Variants in TXNDC12 observed in about 807,000 individuals in gnomAD.
TXNDC12 encodes the protein thioredoxin domain containing 12.
In TXNDC12, 22 loss-of-function variants were observed where a neutral mutation model predicts 24.2. That is an observed-to-expected ratio of 0.91 (90% CI 0.65 to 1.30). The LOEUF (loss-of-function observed/expected upper bound fraction) is 1.30, where lower values mean the gene tolerates loss of function less well. Ranked by LOEUF, TXNDC12 falls within the 50% of genes most tolerant of loss-of-function variation. The pLI is 0.00. For synonymous variants in TXNDC12, 58 were observed against 73.4 expected, an observed-to-expected ratio of 0.79 and a Z score of 1.07; for missense variants, 184 against 205.8, an observed-to-expected ratio of 0.89 and a Z score of 0.65.
chr1:52,022,669 C>G (rs2252961), intron 6 of TXNDC12, among the ~76,000 whole-genome samples: 1 of 132,212 alleles, frequency 7.6e-6, no homozygotes, highest in Non-Finnish European at 1.6e-5. Flanking sequence ...GACAGAGTCT[C>G]GCTCTGTCAC....
At chr1:52,027,143 G>C in intron 4 of TXNDC12, 132 bp downstream of exon 4, 1 of 600,572 alleles carries the variant, frequency 1.7e-6, no homozygotes, top group Non-Finnish European at 3.0e-6. Context: ...CTTAGTATTA[G>C]CGGTCAAGAG....
chr1:52,036,998 G>T (rs1685894125), intron 2 of TXNDC12, among the ~76,000 whole-genome samples: 1 of 152,114 alleles, frequency 6.6e-6, no homozygotes, highest in African/African-American at 2.4e-5. Flanking sequence ...AGGCTTGATG[G>T]TCTTCACAGC....
At chr1:52,053,173 G>T (rs1324781165) in intron 1 of TXNDC12, among the ~76,000 whole-genome samples, 5 of 151,538 alleles carry the variant, frequency 3.3e-5, no homozygotes, top group Non-Finnish European at 7.4e-5. Flanking sequence ...TGAGGCAGGA[G>T]AATCATTTGA....
intron 5 of TXNDC12, among the ~76,000 whole-genome samples, chr1:52,023,990 CTT>C (rs397830118): frequency 1.4e-4 from 20 of 142,624 alleles, no homozygotes; most frequent in East Asian, 2.0e-4. Context: ...TGATCAAACT[CTT>C]TTTTTTTTTT....
intron 1 of TXNDC12, among the ~76,000 whole-genome samples, chr1:52,052,028 C>T (rs754984264): frequency 1.3e-5 from 2 of 151,980 alleles, no homozygotes; most frequent in African/African-American, 4.8e-5. Flanking sequence ...TCTAAGTGTC[C>T]GACACAATAT....
intron 2 of TXNDC12, chr1:52,032,896 T>G: frequency 6.2e-7 from 1 of 1,613,024 alleles, no homozygotes; most frequent in Non-Finnish European, 8.5e-7. Context: ...AGCGCTCTTC[T>G]GCGCTTCCAT....
At chr1:52,036,019 A>G (rs1252780216) in intron 2 of TXNDC12, among the ~76,000 whole-genome samples, 1 of 152,166 alleles carries the variant, frequency 6.6e-6, no homozygotes, top group Non-Finnish European at 1.5e-5. Flanking sequence ...ACCAATCTCA[A>G]AAAGTTGTTG....
In TXNDC12 at chr1:52,020,742, C is replaced by G; in HGVS notation, c.*191G>C. Reference sequence around the variant, plus strand: ...AAGGAGAAGAAAGTCTGCCACTCTCCGCTGGATCCACAAACATGCAGACCA... The same window carrying G: ...AAGGAGAAGAAAGTCTGCCACTCTCGGCTGGATCCACAAACATGCAGACCA... On this transcript the variant is annotated 3_prime_UTR_variant, in exon 7 of 7. Transcript: ENST00000371626. 1 of 537,602 alleles carries G rather than the reference C, an allele frequency of 1.9e-6. No individual in the cohort carries two copies. Among genetic ancestry groups the G allele is most frequent in the East Asian group, 3.0e-5 (1 of 33,346 alleles). 33.3% of individuals were successfully genotyped at this position (537,602 alleles called of 1,614,324 possible). A position where few individuals can be genotyped will look rare whatever the true frequency, so the allele number is the denominator to read the frequency against.
intron 2 of TXNDC12, chr1:52,032,142 G>A (rs570459188): frequency 1.0e-6 from 1 of 966,804 alleles, no homozygotes; most frequent in African/African-American, 1.8e-5. Flanking sequence ...AAATAATCTA[G>A]TAGATAACTT....
intron 2 of TXNDC12, among the ~76,000 whole-genome samples, chr1:52,039,020 C>A (rs2124379528): frequency 8.2e-6 from 1 of 121,338 alleles, no homozygotes; most frequent in East Asian, 2.6e-4. Flanking sequence ...CTACTGGGCT[C>A]AATCAGTCCT....
At chr1:52,033,795 C>G (rs1685830737) in intron 2 of TXNDC12, 2 of 1,530,610 alleles carry the variant, frequency 1.3e-6, no homozygotes, top group African/African-American at 1.4e-5. Context: ...AACCGCGCTG[C>G]GCCAACTTCC....
intron 1 of TXNDC12, chr1:52,051,112 C>G (rs982887808): frequency 3.6e-5 from 6 of 168,016 alleles, no homozygotes; most frequent in Non-Finnish European, 5.9e-5. Context: ...GAGGCTTAGT[C>G]AATACATGAA....
intron 2 of TXNDC12, among the ~76,000 whole-genome samples, chr1:52,039,088 C>CAAAAAA (rs56219938): frequency 0.027 from 2,225 of 81,628 alleles, 70 homozygotes; most frequent in Non-Finnish European, 0.033. Flanking sequence ...GACACCGTCT[C>CAAAAAA]AAAAAAAAAA....
chr1:52,024,377 C>G (rs1265220083), intron 5 of TXNDC12, 133 bp downstream of exon 5: 1 of 683,234 alleles, frequency 1.5e-6, no homozygotes, highest in Admixed American at 2.5e-5. Flanking sequence ...AGAACTCCCC[C>G]ACTCTCTCTT....
rs558821908 is a variant in TXNDC12, at chr1:52,054,507, G to C, written c.97+493C>G. On this transcript the variant is annotated intron_variant, in intron 1 of 6. Transcript: ENST00000371626. The stretch of plus-strand genomic sequence containing the variant: ...ACAGCAGACCTTCTACCATTCGCTT[G>C]GCTCTTCTTATGCACTAGATACAGC... Among the ~76,000 whole-genome samples, 25 of 152,334 alleles carry C rather than the reference G, an allele frequency of 1.6e-4. No homozygotes were observed. The East Asian group carries it at 4.6e-3, about 28-fold the overall frequency.
chr1:52,037,007 G>C (rs1685894178), intron 2 of TXNDC12, among the ~76,000 whole-genome samples: 1 of 152,128 alleles, frequency 6.6e-6, no homozygotes, highest in Admixed American at 6.5e-5. Context: ...GGTCTTCACA[G>C]CTATTTCTAT....
chr1:52,025,250 G>A (rs1446328327), intron 4 of TXNDC12, among the ~76,000 whole-genome samples: 4 of 149,220 alleles, frequency 2.7e-5, no homozygotes, highest in African/African-American at 9.9e-5. Flanking sequence ...ACGGAGTCTC[G>A]CTCTGTCGCC....
chr1:52,054,876 T>C (rs1177306978), intron 1 of TXNDC12, 124 bp downstream of exon 1: 8 of 682,146 alleles, frequency 1.2e-5, no homozygotes, highest in South Asian at 2.0e-5. Flanking sequence ...TTGGGGAAGA[T>C]AAAAAGAAAT....
Position 52,029,851 on chromosome 1 carries a change from T to C in TXNDC12, c.159-1221A>G, listed in dbSNP as rs17106971. On this transcript the variant is annotated intron_variant, in intron 2 of 6. Transcript: ENST00000371626. ...GATGGACTTCTGCCTGCAATACTTG[T>C]AAAAGCTTGTAAACCAAATGAGCAG... Among the ~76,000 whole-genome samples the C allele has an allele frequency of 0.01, 1,540 of 152,318 alleles. 79 individuals are homozygous for C. In the East Asian group the frequency reaches 0.13, roughly 13 times the overall value.
Sources: gnomAD v4.1 joint callset for allele counts (sites outside exome capture counted in the v4.1 genomes callset) on GRCh38, gnomAD v4.1.1 for gene constraint, MANE v1.5 for transcripts, NCBI Gene and HGNC (gene_info 2026-07-23, HGNC 2026-07-21) for gene names.